Variants in IL1RAPL2 observed in about 807,000 individuals in gnomAD.
The protein encoded by IL1RAPL2 is X-linked interleukin-1 receptor accessory protein-like 2.
IL1RAPL2 carries 3 observed loss-of-function variants against 44.1 expected under a neutral mutation model. That is an observed-to-expected ratio of 0.07 (90% CI 0.03 to 0.18). IL1RAPL2 has a LOEUF of 0.18. Ranked by LOEUF, IL1RAPL2 falls within the 10% of genes least tolerant of loss-of-function variation. IL1RAPL2 has a pLI of 1.00. For synonymous variants in IL1RAPL2, 181 were observed against 178.8 expected (o/e 1.01, Z -0.10); for missense variants, 391 against 496.4 (o/e 0.79, Z 2.02).
intron 5 of IL1RAPL2, among the ~76,000 whole-genome samples, chrX:105,342,609 G>A (rs2035080179): frequency 8.9e-6 from 1 of 111,812 alleles, no homozygotes; most frequent in Non-Finnish European, 1.9e-5. Flanking sequence ...GAGAACCTCA[G>A]AGCAAACTCA....
chrX:104,901,304 G>A (rs781540276), intron 2 of IL1RAPL2, among the ~76,000 whole-genome samples: 3 of 100,237 alleles, frequency 3.0e-5, no homozygotes, highest in Non-Finnish European at 4.0e-5. Context: ...TCCGCCTCCC[G>A]GGTTCACACC....
At chrX:105,478,489 C>A (rs2036212281) in intron 5 of IL1RAPL2, among the ~76,000 whole-genome samples, 1 of 111,123 alleles carries the variant, frequency 9.0e-6, no homozygotes, top group Non-Finnish European at 1.9e-5. Context: ...GATTTTGAAT[C>A]TTGATCAAAG....
chrX:104,930,327 A>G (rs1602829066), intron 2 of IL1RAPL2, among the ~76,000 whole-genome samples: 2 of 112,419 alleles, frequency 1.8e-5, no homozygotes, highest in South Asian at 3.7e-4. Flanking sequence ...GAAGATGTGC[A>G]GGGAACCTCT....
Position 105,478,705 on chromosome X carries a change from A to ATC in IL1RAPL2, c.698-5608_698-5607insTC, listed in dbSNP as rs2036213983. 1.5e-4 allele frequency among the ~76,000 whole-genome samples: 17 copies of ATC among 111,668 alleles called. No homozygotes were observed. The Admixed American group carries it at 1.5e-3, about 10-fold the overall frequency. On this transcript the variant is annotated intron_variant, in intron 5 of 10. Coordinates refer to ENST00000372582, the MANE Select transcript of IL1RAPL2 (RefSeq NM_017416.2). ...AACTTCCTGGCCATCCTTGAGATATACTTCTGATAAATTCCCTTTTGGCTT... is the reference window on the plus strand; with the variant it reads ...AACTTCCTGGCCATCCTTGAGATATATCCTTCTGATAAATTCCCTTTTGGCTT...
At chrX:105,043,580 AAAC>A (rs2031792747) in intron 2 of IL1RAPL2, among the ~76,000 whole-genome samples, 1 of 109,508 alleles carries the variant, frequency 9.1e-6, no homozygotes, top group African/African-American at 3.4e-5. Flanking sequence ...AAAAAAAAAA[AAAC>A]ATGTTTTGCT....
At chrX:105,691,080 A>G (rs1257304349) in intron 6 of IL1RAPL2, among the ~76,000 whole-genome samples, 1 of 111,479 alleles carries the variant, frequency 9.0e-6, no homozygotes, top group African/African-American at 3.3e-5. Flanking sequence ...CCTCCAAAAG[A>G]GCCTATCTCT....
At chrX:105,582,075 T>A (rs765715921) in intron 6 of IL1RAPL2, among the ~76,000 whole-genome samples, 108 of 111,277 alleles carry the variant, frequency 9.7e-4, no homozygotes, top group Non-Finnish European at 1.8e-3. Flanking sequence ...TTGCAAATTT[T>A]ACGCCAGCTT....
chrX:104,726,934 T>C (rs975567586), intron 2 of IL1RAPL2, among the ~76,000 whole-genome samples: 2 of 109,766 alleles, frequency 1.8e-5, no homozygotes, highest in Admixed American at 9.8e-5. Flanking sequence ...TCTCATCATA[T>C]ACAGAAACCA....
chrX:104,699,217 A>G lies in IL1RAPL2; in HGVS notation c.82+40222A>G, dbSNP rs183729835. Reference sequence around the variant, plus strand: ...ATGATTCAAGTGCATTACATTTATCATGTACTTTATTTCTATTATTATTTC... The same window carrying G: ...ATGATTCAAGTGCATTACATTTATCGTGTACTTTATTTCTATTATTATTTC... On this transcript the variant is annotated intron_variant, in intron 2 of 10. Coordinates refer to ENST00000372582, the MANE Select transcript of IL1RAPL2 (RefSeq NM_017416.2). Among the ~76,000 whole-genome samples, 21 of 111,668 alleles carry G rather than the reference A, an allele frequency of 1.9e-4. No homozygotes were observed. The South Asian group carries it at 3.8e-3, about 20-fold the overall frequency.
intron 5 of IL1RAPL2, among the ~76,000 whole-genome samples, chrX:105,343,880 C>CTTTTTTTTTT (rs755496552): frequency 2.0e-5 from 2 of 100,465 alleles, no homozygotes; most frequent in African/African-American, 7.3e-5. Context: ...TCAAAGTTTT[C>CTTTTTTTTTT]TTTTTTTTTT....
intron 2 of IL1RAPL2, among the ~76,000 whole-genome samples, chrX:104,816,126 C>T (rs1298489010): frequency 1.8e-5 from 2 of 111,035 alleles, no homozygotes; most frequent in African/African-American, 6.5e-5. Flanking sequence ...ATGTGGCCTG[C>T]TTAGAAAAAA....
Position 104,905,267 on chromosome X carries a change from A to G in IL1RAPL2, c.82+246272A>G, listed in dbSNP as rs193018429. Among the ~76,000 whole-genome samples, 726 of 111,279 alleles carry G rather than the reference A, an allele frequency of 6.5e-3. 3 individuals carry two copies. Among genetic ancestry groups the G allele is most frequent in the African/African-American group, 0.022 (682 of 30,633 alleles). ...ATTTTGTAGGTTTCCTGTTCACTCT[A>G]ATGGTAGTTTCTTTTGCTGTGCAGA... On this transcript the variant is annotated intron_variant, in intron 2 of 10. Transcript: ENST00000372582.
chrX:104,636,720 G>A (rs1000916046), intron 1 of IL1RAPL2, among the ~76,000 whole-genome samples: 8 of 112,146 alleles, frequency 7.1e-5, no homozygotes, highest in African/African-American at 1.9e-4. Flanking sequence ...GTAGTGACCC[G>A]ATTTTCCAGG....
At chrX:104,671,594 T>G (rs970669797) in intron 2 of IL1RAPL2, among the ~76,000 whole-genome samples, 3 of 111,911 alleles carry the variant, frequency 2.7e-5, no homozygotes, top group African/African-American at 9.8e-5. Context: ...ATTTAGTTAT[T>G]TGTACGTCTG....
At chrX:105,399,981 G>A (rs2035595479) in intron 5 of IL1RAPL2, among the ~76,000 whole-genome samples, 1 of 110,993 alleles carries the variant, frequency 9.0e-6, no homozygotes, top group South Asian at 3.8e-4. Context: ...TAGTTAAGTA[G>A]AAATCAAAAG....
At chrX:105,542,273 A>G (rs2036744044) in intron 6 of IL1RAPL2, among the ~76,000 whole-genome samples, 1 of 112,221 alleles carries the variant, frequency 8.9e-6, no homozygotes, top group African/African-American at 3.2e-5. Context: ...AAGGTGAATA[A>G]CACACAGCTT....
At chrX:105,472,819 G>A (rs1161973282) in intron 5 of IL1RAPL2, among the ~76,000 whole-genome samples, 1 of 112,014 alleles carries the variant, frequency 8.9e-6, no homozygotes, top group Non-Finnish European at 1.9e-5. Flanking sequence ...TTCAGTGATG[G>A]AAATGGAAAG....
intron 8 of IL1RAPL2, among the ~76,000 whole-genome samples, chrX:105,742,557 A>G (rs1448132279): frequency 9.0e-6 from 1 of 110,704 alleles, no homozygotes; most frequent in African/African-American, 3.3e-5. Context: ...ATACTCTGCT[A>G]CCACCCAAGG....
At chrX:105,295,953 T>A (rs1056952052) in intron 5 of IL1RAPL2, among the ~76,000 whole-genome samples, 4 of 111,392 alleles carry the variant, frequency 3.6e-5, no homozygotes, top group African/African-American at 1.3e-4. Flanking sequence ...AGTCTTTCCA[T>A]ACCAATTCAT....
Sources: allele counts gnomAD v4.1 joint callset (sites outside exome capture counted in the v4.1 genomes callset), GRCh38; gene constraint gnomAD v4.1.1; transcripts MANE v1.5; gene names NCBI Gene and HGNC (gene_info 2026-07-23, HGNC 2026-07-21).